The following CDCP1 variants were observed in gnomAD, a reference collection of about 807,000 sequenced individuals.
CDCP1 encodes CUB domain containing protein 1.
In CDCP1, 29 loss-of-function variants were observed where a neutral mutation model predicts 60.2. The ratio of observed to expected loss-of-function variants is 0.48; its 90% CI spans 0.36 to 0.66. CDCP1 has a LOEUF of 0.66. Ranked by LOEUF, CDCP1 falls within the 30% of genes least tolerant of loss-of-function variation. CDCP1 has a pLI of 0.00. For missense variants in CDCP1, 876 were observed against 1,074.3 expected, an observed-to-expected ratio of 0.82 and a Z score of 2.58; for synonymous variants, 387 against 431.1, an observed-to-expected ratio of 0.90 and a Z score of 1.27.
rs923984723 is a variant in CDCP1, at chr3:45,112,082, C to T, written c.655+1G>A. The T allele has an allele frequency of 4.3e-6, 7 of 1,610,864 alleles. No homozygotes were observed. Among genetic ancestry groups the T allele is most frequent in the African/African-American group, 1.3e-5 (1 of 74,864 alleles). On this transcript the variant is annotated splice_donor_variant, in intron 3 of 8. Transcript: ENST00000296129. LOFTEE classifies it high-confidence loss of function. ...CAGATAGCAGGGAGGGGCTTTCTCA[C>T]GTTTTATAGATGAGCGGTTTGCAAT...
Position 45,108,327 on chromosome 3 carries a change from C to G in CDCP1, c.1024+2146G>C, listed in dbSNP as rs371364691. Among the ~76,000 whole-genome samples the G allele has an allele frequency of 5.3e-5, 8 of 152,126 alleles. No individual in the cohort carries two copies. In the East Asian group the frequency reaches 9.7e-4, roughly 18 times the overall value. ...ATTTCTGCCGCCAAGTCCACTCACTCCGCTAGAAACAGTGCAAAGTTAGAG... is the reference window on the plus strand; with the variant it reads ...ATTTCTGCCGCCAAGTCCACTCACTGCGCTAGAAACAGTGCAAAGTTAGAG... On this transcript the variant is annotated intron_variant, in intron 4 of 8. Transcript: ENST00000296129.
chr3:45,096,511 G>A lies in CDCP1; in HGVS notation c.1025-943C>T, dbSNP rs543976689. ...GTGGTGGTACATGCCTGTAATCCCA[G>A]CTACTTGGGAGGCTGAGACAGGAGA... is the stretch of plus-strand genomic sequence containing the variant. On this transcript the variant is annotated intron_variant, in intron 4 of 8. Coordinates refer to ENST00000296129, the MANE Select transcript of CDCP1 (RefSeq NM_022842.5). Among the ~76,000 whole-genome samples, 67 of 150,512 alleles carry A rather than the reference G, an allele frequency of 4.5e-4. No individual in the cohort carries two copies. The South Asian group carries it at 0.014, about 32-fold the overall frequency.
At chr3:45,102,704 A>G (rs1444531698) in intron 4 of CDCP1, among the ~76,000 whole-genome samples, 1 of 151,568 alleles carries the variant, frequency 6.6e-6, no homozygotes, top group Non-Finnish European at 1.5e-5. Flanking sequence ...CACTCTGTCA[A>G]CTCTGTCACC....
intron 2 of CDCP1, among the ~76,000 whole-genome samples, chr3:45,117,597 CTTTTTTT>C (rs576166067): frequency 1.4e-5 from 2 of 139,942 alleles, no homozygotes; most frequent in South Asian, 4.5e-4. Context: ...TCCTCAACTT[CTTTTTTT>C]TTTTTTTTTT....
At chr3:45,088,246 C>A (rs998850229) in intron 8 of CDCP1, among the ~76,000 whole-genome samples, 1 of 152,004 alleles carries the variant, frequency 6.6e-6, no homozygotes, top group African/African-American at 2.4e-5. Flanking sequence ...TTTTGGGAAG[C>A]CAAGGTGGGT....
chr3:45,113,689 C>T (rs141129316), intron 2 of CDCP1, among the ~76,000 whole-genome samples: 14 of 152,300 alleles, frequency 9.2e-5, no homozygotes, highest in Non-Finnish European at 1.8e-4. Flanking sequence ...AGCAAGTACA[C>T]GGCAATTCCA....
At chr3:45,127,296 C>T (rs1357739638) in intron 1 of CDCP1, among the ~76,000 whole-genome samples, 2 of 152,016 alleles carry the variant, frequency 1.3e-5, no homozygotes, top group Non-Finnish European at 2.9e-5. Context: ...TTGGCAGTGC[C>T]AGGTGTAAGG....
intron 3 of CDCP1, among the ~76,000 whole-genome samples, chr3:45,111,051 A>G (rs1698684269): frequency 6.6e-6 from 1 of 152,168 alleles, no homozygotes; most frequent in Non-Finnish European, 1.5e-5. Flanking sequence ...AAACCGGTCC[A>G]GTGGTAGAGG....
intron 2 of CDCP1, 94 bp from the exon 3 acceptor site, chr3:45,112,539 T>A: frequency 5.3e-6 from 8 of 1,516,872 alleles, no homozygotes. Flanking sequence ...AGTAGACTCT[T>A]TGGGGCTCCC....
At chr3:45,118,706 A>G in intron 1 of CDCP1, 85 bp from the exon 2 acceptor site, 1 of 1,052,036 alleles carries the variant, frequency 9.5e-7, no homozygotes. Flanking sequence ...TGGTTCAGAG[A>G]GGATGTCCTC....
intron 1 of CDCP1, among the ~76,000 whole-genome samples, chr3:45,129,574 C>T (rs1699052927): frequency 6.6e-6 from 1 of 152,160 alleles, no homozygotes; most frequent in Non-Finnish European, 1.5e-5. Flanking sequence ...AAGTGTGAGT[C>T]ACGAGGACCA....
In CDCP1 at chr3:45,137,690, C is replaced by T. The variant is rs139361111; in HGVS notation, c.82+8516G>A. ...AAAAAATTAGCCAGGCATGGTGGCA[C>T]GTGCCTGTAATCCCAGGTACATGGG... On this transcript the variant is annotated intron_variant, in intron 1 of 8. Transcript: ENST00000296129. 9.6e-3 allele frequency among the ~76,000 whole-genome samples: 1,422 copies of T among 148,792 alleles called. 9 individuals are homozygous for T. The highest frequency in any genetic ancestry group is 0.016 in the Non-Finnish European group (1,050 of 67,436).
intron 2 of CDCP1, among the ~76,000 whole-genome samples, chr3:45,114,830 C>T (rs137936725): frequency 3.5e-4 from 54 of 152,268 alleles, no homozygotes; most frequent in Non-Finnish European, 5.0e-4. Flanking sequence ...GCAGGTGGAC[C>T]ACTGGACCTG....
intron 4 of CDCP1, among the ~76,000 whole-genome samples, chr3:45,102,954 A>C (rs1698504749): frequency 7.3e-6 from 1 of 137,874 alleles, no homozygotes; most frequent in African/African-American, 2.6e-5. Context: ...GAGCCACCAT[A>C]CTTGGTCTTG....
chr3:45,107,364 G>T (rs1341450904), intron 4 of CDCP1, among the ~76,000 whole-genome samples: 1 of 151,856 alleles, frequency 6.6e-6, no homozygotes, highest in East Asian at 1.9e-4. Context: ...CTGCCACCAC[G>T]CCCGGCTAAT....
Position 45,110,636 on chromosome 3 carries a change from G to T in CDCP1, c.861C>A (p.Gly287=). ...TGAACACCTCGGGGTTGGTGGTGGA[G>T]CCCGGGATGTAGTATTCAACCCGCT... The part of the protein sequence containing the change: ...KEERVEYYIP[G]STTNPEVFKL... Residue 287 remains glycine (G), a synonymous_variant, in exon 4 of 9, where the codon GGC becomes GGA. Coordinates refer to ENST00000296129, the MANE Select transcript of CDCP1 (RefSeq NM_022842.5). 6.2e-7 allele frequency: 1 copy of T among 1,614,174 alleles called. No homozygotes were observed. Among genetic ancestry groups the T allele is most frequent in the Non-Finnish European group, 8.5e-7 (1 of 1,180,022 alleles).
intron 1 of CDCP1, among the ~76,000 whole-genome samples, chr3:45,132,771 A>G (rs895071131): frequency 1.3e-5 from 2 of 152,214 alleles, no homozygotes; most frequent in Admixed American, 1.3e-4. Flanking sequence ...TCAAAGAGTG[A>G]TTGATGGCCA....
At chr3:45,093,147 T>A (rs778268904) in intron 6 of CDCP1, 130 bp downstream of exon 6, 10 of 1,035,360 alleles carry the variant, frequency 9.7e-6, no homozygotes, top group Middle Eastern at 3.0e-4. Context: ...TTCAAATTTC[T>A]TGTGCAAGGA....
intron 4 of CDCP1, among the ~76,000 whole-genome samples, chr3:45,105,152 CA>C (rs1576090472): frequency 1.3e-5 from 2 of 152,224 alleles, no homozygotes; most frequent in East Asian, 3.9e-4. Flanking sequence ...TTGTAAAAGC[CA>C]CACTGGGGAC....
Sources: gnomAD v4.1 joint callset for allele counts (sites outside exome capture counted in the v4.1 genomes callset) on GRCh38, gnomAD v4.1.1 for gene constraint, MANE v1.5 for transcripts, NCBI Gene and HGNC (gene_info 2026-07-23, HGNC 2026-07-21) for gene names.